The following SLC37A1 variants were observed in gnomAD, a reference collection of about 807,000 sequenced individuals.
The protein encoded by SLC37A1 is solute carrier family 37 member 1, also known as glucose-6-phosphate exchanger SLC37A1.
A neutral mutation model predicts 75.3 loss-of-function variants in SLC37A1; 49 were observed. The ratio of observed to expected loss-of-function variants is 0.65; its 90% CI spans 0.52 to 0.83. The LOEUF is 0.83. Ranked by LOEUF, SLC37A1 falls within the 40% of genes least tolerant of loss-of-function variation. SLC37A1 has a pLI of 0.00. For synonymous variants in SLC37A1, 268 were observed against 292.1 expected, an observed-to-expected ratio of 0.92 and a Z score of 0.84; for missense variants, 566 against 695.0, an observed-to-expected ratio of 0.81 and a Z score of 2.09.
chr21:42,538,202 A>AG (rs1337732850), intron 5 of SLC37A1, among the ~76,000 whole-genome samples: 2 of 152,202 alleles, frequency 1.3e-5, no homozygotes, highest in Admixed American at 6.5e-5. Flanking sequence ...CCAGCCTCTC[A>AG]GGGACCTATC....
intron 9 of SLC37A1, among the ~76,000 whole-genome samples, chr21:42,549,563 T>C (rs2055506059): frequency 6.6e-6 from 1 of 152,232 alleles, no homozygotes; most frequent in Admixed American, 6.5e-5. Flanking sequence ...GGATATTTTA[T>C]CAGCTTCTGC....
chr21:42,530,806 T>C (rs913580996), intron 3 of SLC37A1, among the ~76,000 whole-genome samples: 3 of 152,072 alleles, frequency 2.0e-5, no homozygotes, highest in African/African-American at 4.8e-5. Flanking sequence ...CCTGATAATC[T>C]CCTCTATTGG....
chr21:42,580,269 G>A (rs1346390785), intron 19 of SLC37A1, 76 bp from the exon 20 acceptor site: 1 of 1,538,692 alleles, frequency 6.5e-7, no homozygotes, highest in African/African-American at 1.4e-5. Flanking sequence ...ATTTGCACAT[G>A]GTGTGTGAAG....
chr21:42,534,900 G>A (rs1378323542), intron 4 of SLC37A1, 70 bp downstream of exon 4: 1 of 1,553,388 alleles, frequency 6.4e-7, no homozygotes, highest in East Asian at 2.3e-5. Flanking sequence ...AATCACTTTA[G>A]CAGCAGTAAT....
At chr21:42,520,798 A>G (rs1397373733) in intron 2 of SLC37A1, among the ~76,000 whole-genome samples, 2 of 152,216 alleles carry the variant, frequency 1.3e-5, no homozygotes, top group Non-Finnish European at 2.9e-5. Flanking sequence ...GACCTGGCCA[A>G]TGCCAGGACT....
In SLC37A1 at chr21:42,518,524, G is replaced by C; in HGVS notation, c.56+14G>C. The C allele has an allele frequency of 6.2e-7, 1 of 1,614,052 alleles. No individual in the cohort carries two copies. Among genetic ancestry groups the C allele is most frequent in the Non-Finnish European group, 8.5e-7 (1 of 1,179,970 alleles). On this transcript the variant is annotated intron_variant, in intron 2 of 19. Transcript: ENST00000352133. Reference sequence around the variant, plus strand: ...CAGGGATCAGTGGTGAGTCCTGGTGGGGCAGGCCCTTGGCATGGAGCTGTG... The same window carrying C: ...CAGGGATCAGTGGTGAGTCCTGGTGCGGCAGGCCCTTGGCATGGAGCTGTG...
upstream of SLC37A1, among the ~76,000 whole-genome samples, chr21:42,513,153 G>C (rs2054456566): frequency 6.6e-6 from 1 of 152,186 alleles, no homozygotes; most frequent in Non-Finnish European, 1.5e-5. Context: ...GTGTTCGGCA[G>C]TAGCTTCTAG....
At position 42,569,552 on chromosome 21, in the gene SLC37A1, C is replaced by T. The variant is rs777831046; in HGVS notation, c.1423+1114C>T. On this transcript the variant is annotated intron_variant, in intron 17 of 19. Transcript: ENST00000352133. ...TCCCTCGTGCCGCACTCCCTCGTGC[C>T]GCACTCCCTCGTGCCTTGAGTCTTT... Among the ~76,000 whole-genome samples the T allele has an allele frequency of 4.3e-3, 192 of 45,016 alleles. 3 individuals carry two copies. The highest frequency in any genetic ancestry group is 0.037 in the Middle Eastern group (4 of 108). 29.5% of individuals were successfully genotyped at this position (45,016 alleles called of 152,430 possible). A position where few individuals can be genotyped will look rare whatever the true frequency, so the allele number is the denominator to read the frequency against.
chr21:42,507,561 A>T (rs1336347291), intron 2 of SLC37A1, among the ~76,000 whole-genome samples: 1 of 152,198 alleles, frequency 6.6e-6, no homozygotes, highest in Non-Finnish European at 1.5e-5. Flanking sequence ...GCTATAAAGG[A>T]ATCCTCGAGG....
At chr21:42,531,186 C>T (rs981814358) in intron 3 of SLC37A1, among the ~76,000 whole-genome samples, 5 of 152,070 alleles carry the variant, frequency 3.3e-5, no homozygotes, top group Admixed American at 6.6e-5. Context: ...CCGCCTTCCC[C>T]GCACACTCGT....
At chr21:42,500,790 T>G (rs1338413832) in intron 1 of SLC37A1, among the ~76,000 whole-genome samples, 1 of 152,204 alleles carries the variant, frequency 6.6e-6, no homozygotes, top group African/African-American at 2.4e-5. Context: ...TCTGGAAATA[T>G]ATAGACAGGT....
At chr21:42,566,579 C>G (rs1368777112) in intron 15 of SLC37A1, among the ~76,000 whole-genome samples, 3 of 152,176 alleles carry the variant, frequency 2.0e-5, no homozygotes, top group Admixed American at 1.3e-4. Context: ...CTGTGACCCC[C>G]CCTCAGGCCA....
At position 42,580,685 on chromosome 21, in the gene SLC37A1, G is replaced by T. The variant is rs1000371793; in HGVS notation, c.*325G>T. 4.3e-5 allele frequency: 17 copies of T among 397,850 alleles called. 1 individual carries two copies. The highest frequency in any genetic ancestry group is 6.9e-5 in the Non-Finnish European group (15 of 216,468). 24.6% of individuals were successfully genotyped at this position (397,850 alleles called of 1,614,324 possible). A position where few individuals can be genotyped will look rare whatever the true frequency, so the allele number is the denominator to read the frequency against. ...CGTGACAACAAGGCCGGGAGGGTGGGGGGGGTGCACAGGTAGCCCCGACCC... is the reference window on the plus strand; with the variant it reads ...CGTGACAACAAGGCCGGGAGGGTGGTGGGGGTGCACAGGTAGCCCCGACCC... On this transcript the variant is annotated 3_prime_UTR_variant, in exon 20 of 20. Coordinates refer to ENST00000352133, the MANE Select transcript of SLC37A1 (RefSeq NM_001320537.2).
intron 1 of SLC37A1, among the ~76,000 whole-genome samples, chr21:42,517,320 A>T (rs1601659347): frequency 6.6e-6 from 1 of 152,172 alleles, no homozygotes; most frequent in Admixed American, 6.5e-5. Flanking sequence ...AGGAGGAGGT[A>T]TTGGAGTGGG....
In SLC37A1 at chr21:42,547,226, G is replaced by C. The variant is rs907339655; in HGVS notation, c.768+86G>C. 19 of 1,436,834 alleles carry C rather than the reference G, an allele frequency of 1.3e-5. No homozygotes were observed. Among genetic ancestry groups the C allele is most frequent in the Admixed American group, 1.7e-5 (1 of 59,460 alleles). 89.0% of individuals were successfully genotyped at this position (1,436,834 alleles called of 1,614,324 possible). On this transcript the variant is annotated intron_variant, in intron 9 of 19. Transcript: ENST00000352133. This position sits in a 1 kb window ranked among gnomAD's most constrained non-coding sequence, Gnocchi z 6.1. The stretch of plus-strand genomic sequence containing the variant: ...GCCTGCTCCTGCCTGTGCGGTGTCA[G>C]ACAGAAACACACAGGGTAGACAGAA...
rs552045946 is a variant in SLC37A1 at position 42,579,662 on chromosome 21, C to T, written c.1522-74C>T. The T allele has an allele frequency of 9.1e-4, 1,412 of 1,545,918 alleles. 16 individuals are homozygous for T. The highest frequency in any genetic ancestry group is 2.3e-4 in the Non-Finnish European group (261 of 1,128,000). ...CCGCCCAGGCCTTGCGGGCCAGGTC[C>T]TCATGGTGCCCACGGCGCGGGCCGC... On this transcript the variant is annotated intron_variant, in intron 18 of 19. Coordinates refer to ENST00000352133, the MANE Select transcript of SLC37A1 (RefSeq NM_001320537.2).
intron 18 of SLC37A1, chr21:42,576,053 C>A (rs746887498): frequency 6.9e-6 from 5 of 723,352 alleles, no homozygotes; most frequent in Non-Finnish European, 8.5e-6. Context: ...AGGAACTCCC[C>A]AGGAGCCAGA....
intron 2 of SLC37A1, among the ~76,000 whole-genome samples, chr21:42,522,159 A>G (rs928512320): frequency 6.6e-6 from 1 of 152,200 alleles, no homozygotes; most frequent in African/African-American, 2.4e-5. Flanking sequence ...TCTATCTAAT[A>G]TGACCTCACC....
Position 42,564,703 on chromosome 21 carries a change from T to C in SLC37A1, c.1136-5T>C. On this transcript the variant is annotated splice_region_variant and splice_polypyrimidine_tract_variant and intron_variant, in intron 13 of 19. Transcript: ENST00000352133. Reference sequence around the variant, plus strand: ...CAGTGCCTGAAGCCCGCCTCTCCGTTGCAGGTGGGATCCTGGCAGGTGTGA... The same window carrying C: ...CAGTGCCTGAAGCCCGCCTCTCCGTCGCAGGTGGGATCCTGGCAGGTGTGA... 6.2e-7 allele frequency: 1 copy of C among 1,610,696 alleles called. No homozygotes were observed. The highest frequency in any genetic ancestry group is 8.5e-7 in the Non-Finnish European group (1 of 1,179,418).
Sources: gnomAD v4.1 joint callset for allele counts (sites outside exome capture counted in the v4.1 genomes callset) on GRCh38, gnomAD v4.1.1 for gene constraint, Gnocchi (gnomAD v3.1) non-coding constraint, MANE v1.5 for transcripts, NCBI Gene and HGNC (gene_info 2026-07-23, HGNC 2026-07-21) for gene names.